Variants in JAZF1 observed in about 807,000 individuals in gnomAD.
JAZF1 encodes the protein JAZF zinc finger 1.
JAZF1 carries 8 observed loss-of-function variants against 26.4 expected under a neutral mutation model. The observed-to-expected ratio is 0.30, with a 90% CI of 0.18 to 0.55. The LOEUF (loss-of-function observed/expected upper bound fraction) is 0.55. Among genes scored for constraint, JAZF1 ranks in the 20% least tolerant of loss-of-function variants. The pLI is 0.94. For missense variants in JAZF1, 199 were observed against 322.0 expected, an observed-to-expected ratio of 0.62 and a Z score of 2.92; for synonymous variants, 126 against 122.3, an observed-to-expected ratio of 1.03 and a Z score of -0.20.
intron 3 of JAZF1, among the ~76,000 whole-genome samples, chr7:27,874,329 A>G (rs1267308581): frequency 2.0e-5 from 3 of 152,204 alleles, no homozygotes; most frequent in Non-Finnish European, 2.9e-5. Flanking sequence ...GTTCTGGAAA[A>G]TAAGTCTGGA....
At chr7:27,943,343 G>C (rs1178411299) in intron 2 of JAZF1, among the ~76,000 whole-genome samples, 1 of 152,152 alleles carries the variant, frequency 6.6e-6, no homozygotes. Flanking sequence ...TCAGGGTCGT[G>C]GGAAACAATG....
chr7:28,159,519 C>T (rs574092581), intron 1 of JAZF1, among the ~76,000 whole-genome samples: 2 of 151,904 alleles, frequency 1.3e-5, no homozygotes, highest in East Asian at 1.9e-4. Flanking sequence ...GTGTTGAGAC[C>T]GTAAGCCCTG....
At chr7:27,888,367 G>C (rs1783905702) in intron 3 of JAZF1, among the ~76,000 whole-genome samples, 1 of 152,136 alleles carries the variant, frequency 6.6e-6, no homozygotes, top group African/African-American at 2.4e-5. Context: ...GTAGGTGGGA[G>C]ATGTATGTTA....
At chr7:28,145,579 C>G (rs896378967) in intron 1 of JAZF1, among the ~76,000 whole-genome samples, 27 of 152,174 alleles carry the variant, frequency 1.8e-4, no homozygotes, top group South Asian at 6.2e-4. Flanking sequence ...TCAAAGAGCA[C>G]AGAAAGTGAC....
intron 1 of JAZF1, among the ~76,000 whole-genome samples, chr7:28,109,655 A>G (rs1784608757): frequency 6.6e-6 from 1 of 152,230 alleles, no homozygotes; most frequent in Non-Finnish European, 1.5e-5. Flanking sequence ...GTTTGTACAA[A>G]TTAACTAGTC....
intron 2 of JAZF1, among the ~76,000 whole-genome samples, chr7:27,986,620 G>A (rs1172344152): frequency 6.6e-6 from 1 of 151,618 alleles, no homozygotes; most frequent in Admixed American, 6.6e-5. Flanking sequence ...CTACTTTGAA[G>A]TTCATATGGG....
intron 1 of JAZF1, among the ~76,000 whole-genome samples, chr7:28,133,000 G>A (rs764174364): frequency 6.6e-6 from 1 of 152,212 alleles, no homozygotes; most frequent in Non-Finnish European, 1.5e-5. Context: ...AAAAGCAGAT[G>A]TGCTTTAAGC....
intron 1 of JAZF1, among the ~76,000 whole-genome samples, chr7:28,101,862 G>A (rs1046027907): frequency 2.6e-5 from 4 of 152,130 alleles, no homozygotes; most frequent in Non-Finnish European, 5.9e-5. Context: ...ACTGCTTGAC[G>A]GAAATGCCAT....
intron 1 of JAZF1, among the ~76,000 whole-genome samples, chr7:28,135,790 A>G (rs1782874318): frequency 6.6e-6 from 1 of 152,196 alleles, no homozygotes; most frequent in South Asian, 2.1e-4. Context: ...ATACTTATAA[A>G]CAAGCTGGTG....
intron 1 of JAZF1, among the ~76,000 whole-genome samples, chr7:28,042,379 G>T (rs542383774): frequency 6.6e-6 from 1 of 152,188 alleles, no homozygotes; most frequent in Non-Finnish European, 1.5e-5. Flanking sequence ...CTGAGTCTGA[G>T]GGGGAGCTGG....
intron 3 of JAZF1, among the ~76,000 whole-genome samples, chr7:27,853,262 G>A (rs1282724874): frequency 1.3e-5 from 2 of 152,092 alleles, no homozygotes; most frequent in East Asian, 3.9e-4. Context: ...GCAGGTTTTT[G>A]TTCAATGTTG....
At chr7:27,890,865 C>A (rs1226727076) in intron 3 of JAZF1, among the ~76,000 whole-genome samples, 1 of 150,874 alleles carries the variant, frequency 6.6e-6, no homozygotes, top group African/African-American at 2.4e-5. Context: ...TCTCGGCTCA[C>A]CGCAACCTCC....
intron 2 of JAZF1, among the ~76,000 whole-genome samples, chr7:27,973,709 C>G (rs1785417916): frequency 6.6e-6 from 1 of 152,214 alleles, no homozygotes; most frequent in South Asian, 2.1e-4. Context: ...TCTTGAAGAA[C>G]AGGATTATCA....
chr7:27,977,052 T>C (rs1476011745), intron 2 of JAZF1, among the ~76,000 whole-genome samples: 1 of 152,242 alleles, frequency 6.6e-6, no homozygotes, highest in Non-Finnish European at 1.5e-5. Context: ...TGAACATGTT[T>C]ATAATGGCTA....
chr7:28,001,823 G>A (rs1386951775), intron 1 of JAZF1, among the ~76,000 whole-genome samples: 6 of 151,908 alleles, frequency 3.9e-5, no homozygotes, highest in South Asian at 2.1e-4. Context: ...GGGCGGGGGC[G>A]GGAAACTGGG....
intron 4 of JAZF1, among the ~76,000 whole-genome samples, chr7:27,839,066 A>G (rs1404529372): frequency 6.6e-6 from 1 of 152,198 alleles, no homozygotes; most frequent in Non-Finnish European, 1.5e-5. Flanking sequence ...CAGAAATGAC[A>G]AGGAGGAAAG....
chr7:28,101,233 C>T (rs2391496), intron 1 of JAZF1, among the ~76,000 whole-genome samples: 113,106 of 152,092 alleles, frequency 0.74, 42,122 homozygotes, highest in Non-Finnish European at 0.77. Context: ...CAAACACAAT[C>T]AATCTGATAT....
At chr7:28,076,635 A>C (rs1288029745) in intron 1 of JAZF1, among the ~76,000 whole-genome samples, 1 of 151,726 alleles carries the variant, frequency 6.6e-6, no homozygotes, top group Non-Finnish European at 1.5e-5. Context: ...AGTGGAATTC[A>C]GAGTGAATGC....
intron 2 of JAZF1, among the ~76,000 whole-genome samples, chr7:27,938,057 A>G (rs371750188): frequency 3.5e-4 from 54 of 152,354 alleles, no homozygotes; most frequent in African/African-American, 1.2e-3. Context: ...TACTGAACCA[A>G]TCTCAAACTG....
Sources: gnomAD v4.1 joint callset for allele counts (sites outside exome capture counted in the v4.1 genomes callset) on GRCh38, gnomAD v4.1.1 for gene constraint, MANE v1.5 for transcripts, NCBI Gene and HGNC (gene_info 2026-07-23, HGNC 2026-07-21) for gene names.